The following PATJ variants were observed in gnomAD, a reference collection of about 807,000 sequenced individuals.
PATJ encodes the protein PATJ crumbs cell polarity complex component, also known as inaD-like protein.
A neutral mutation model predicts 224.9 loss-of-function variants in PATJ; 190 were observed. That is an observed-to-expected ratio of 0.84 (90% CI 0.75 to 0.95). The LOEUF is 0.95. Ranked by LOEUF, PATJ falls within the 40% of genes least tolerant of loss-of-function variation. The pLI, the probability that PATJ is intolerant of heterozygous loss-of-function variation, is 0.00. For synonymous variants in PATJ, 769 were observed against 820.3 expected (o/e 0.94, Z 1.07); for missense variants, 2,121 against 2,270.3 (o/e 0.93, Z 1.34).
chr1:62,011,549 T>C (rs1646450848), intron 28 of PATJ, among the ~76,000 whole-genome samples: 1 of 152,108 alleles, frequency 6.6e-6, no homozygotes, highest in African/African-American at 2.4e-5. Flanking sequence ...TATAATAACA[T>C]TGAAGGTCAT....
intron 17 of PATJ, chr1:61,846,010 C>T (rs866483276): frequency 6.6e-6 from 1 of 152,164 alleles, no homozygotes. Flanking sequence ...GTCTAAGTTA[C>T]ATATGCTCAG....
At chr1:62,034,315 C>T (rs959659433) in intron 29 of PATJ, among the ~76,000 whole-genome samples, 1 of 151,956 alleles carries the variant, frequency 6.6e-6, no homozygotes, top group African/African-American at 2.4e-5. Flanking sequence ...TGTTGGCACA[C>T]GCCTGTAGTC....
At chr1:61,751,468 A>G (rs561368993) in intron 1 of PATJ, among the ~76,000 whole-genome samples, 3 of 152,166 alleles carry the variant, frequency 2.0e-5, no homozygotes, top group African/African-American at 7.2e-5. Context: ...TAAGTGTGAA[A>G]ATTGCCCAGA....
At chr1:62,142,619 A>G (rs1451419791) in intron 41 of PATJ, among the ~76,000 whole-genome samples, 1 of 152,236 alleles carries the variant, frequency 6.6e-6, no homozygotes, top group Non-Finnish European at 1.5e-5. Flanking sequence ...AATACAGTCA[A>G]CATGCACATA....
In PATJ at chr1:62,036,871, C is replaced by CAAAAAAAAAAAAAAAAAAA. The variant is rs55761910; in HGVS notation, c.3960-1096_3960-1095insAAAAAAAAAAAAAAAAAAA. ...TTGGTGACAAAGTGAGACTCCATCT[C>CAAAAAAAAAAAAAAAAAAA]AAAAAAAAAAGAAGGAAGAAAGGAA... On this transcript the variant is annotated intron_variant, in intron 29 of 43. Transcript: ENST00000642238. Among the ~76,000 whole-genome samples the CAAAAAAAAAAAAAAAAAAA allele has an allele frequency of 5.5e-3, 372 of 67,268 alleles. 27 individuals carry two copies. The highest frequency in any genetic ancestry group is 0.02 in the African/African-American group (355 of 17,872). 44.1% of individuals were successfully genotyped at this position (67,268 alleles called of 152,430 possible).
At chr1:62,046,880 C>A (rs1652669972) in intron 30 of PATJ, among the ~76,000 whole-genome samples, 1 of 152,096 alleles carries the variant, frequency 6.6e-6, no homozygotes, top group Non-Finnish European at 1.5e-5. Flanking sequence ...TGTTTCTATT[C>A]ACATCTTAAA....
At chr1:61,810,211 C>T (rs1321994102) in intron 14 of PATJ, among the ~76,000 whole-genome samples, 1 of 152,122 alleles carries the variant, frequency 6.6e-6, no homozygotes, top group African/African-American at 2.4e-5. Flanking sequence ...TTACCTGCAT[C>T]TTGAGTCACT....
chr1:62,133,590 A>C (rs575371860), intron 41 of PATJ, among the ~76,000 whole-genome samples: 11 of 152,296 alleles, frequency 7.2e-5, no homozygotes, highest in African/African-American at 2.6e-4. Context: ...AGAAAAAAGA[A>C]TAGAAAAGAA....
intron 1 of PATJ, among the ~76,000 whole-genome samples, chr1:61,746,952 T>G (rs951146900): frequency 6.6e-6 from 1 of 152,230 alleles, no homozygotes; most frequent in African/African-American, 2.4e-5. Flanking sequence ...CTCAGCATTT[T>G]CTAGTTCTTA....
intron 24 of PATJ, among the ~76,000 whole-genome samples, chr1:61,905,750 C>T (rs551010867): frequency 8.5e-5 from 13 of 152,252 alleles, no homozygotes; most frequent in South Asian, 2.1e-4. Context: ...TCTTACCAAC[C>T]TTTTCCCTTT....
Position 61,797,535 on chromosome 1 carries a change from C to T in PATJ, c.1402+107C>T, listed in dbSNP as rs190245510. ...CTCAGCAGGAAATGTTGTCCCACCT[C>T]GTGTAATACACTGATGGAGAAATGA... On this transcript the variant is annotated intron_variant, in intron 11 of 43. Coordinates refer to ENST00000642238, the MANE Select transcript of PATJ (RefSeq NM_001350145.3). The T allele has an allele frequency of 3.8e-4, 343 of 893,112 alleles. 4 individuals are homozygous for T. In the Admixed American group the frequency reaches 6.4e-3, roughly 17 times the overall value. 55.3% of individuals were successfully genotyped at this position (893,112 alleles called of 1,614,324 possible). A position where few individuals can be genotyped will look rare whatever the true frequency, so the allele number is the denominator to read the frequency against.
intron 27 of PATJ, among the ~76,000 whole-genome samples, chr1:61,960,013 G>T (rs878940557): frequency 6.6e-6 from 1 of 151,826 alleles, no homozygotes; most frequent in Non-Finnish European, 1.5e-5. Context: ...ACAGAGCAAG[G>T]CCCCCATTTC....
intron 22 of PATJ, among the ~76,000 whole-genome samples, chr1:61,889,600 A>G (rs1023026456): frequency 6.6e-6 from 1 of 152,216 alleles, no homozygotes; most frequent in Non-Finnish European, 1.5e-5. Flanking sequence ...TGGTAATCAA[A>G]TAGATCAGTA....
intron 29 of PATJ, among the ~76,000 whole-genome samples, chr1:62,021,089 A>G (rs893662244): frequency 1.3e-5 from 2 of 152,030 alleles, no homozygotes; most frequent in Admixed American, 1.3e-4. Context: ...CGGCCTCCCA[A>G]AGTGCTGGGA....
rs905160220 is a variant in PATJ, at chr1:62,151,464, G to A, written c.5379-1894G>A. On this transcript the variant is annotated intron_variant, in intron 42 of 43. Coordinates refer to ENST00000642238, the MANE Select transcript of PATJ (RefSeq NM_001350145.3). ...AAATTAGCCAGGAGTGGTGGCAGGC[G>A]CCTGTAGTCCCAGCTACTCGGGAGG... 4.6e-5 allele frequency among the ~76,000 whole-genome samples: 7 copies of A among 152,062 alleles called. No individual in the cohort carries two copies. The East Asian group carries it at 5.8e-4, about 13-fold the overall frequency.
Position 62,129,010 on chromosome 1 carries a change from C to T in PATJ, c.5271+65C>T, listed in dbSNP as rs1423369623. The T allele has an allele frequency of 1.5e-5, 16 of 1,038,136 alleles. No homozygotes were observed. The South Asian group carries it at 1.6e-4, about 10-fold the overall frequency. The allele number at this position is 1,038,136 out of a possible 1,614,324, so 64.3% of individuals were successfully genotyped here. On this transcript the variant is annotated intron_variant, in intron 41 of 43. Coordinates refer to ENST00000642238, the MANE Select transcript of PATJ (RefSeq NM_001350145.3). ...TAAGTGGCATGCAAAAAAGATTGAG[C>T]GTCACTGGCAGTAGACATCGCCACC...
At chr1:61,953,238 G>A (rs1463237706) in intron 27 of PATJ, among the ~76,000 whole-genome samples, 3 of 152,108 alleles carry the variant, frequency 2.0e-5, no homozygotes, top group Non-Finnish European at 2.9e-5. Flanking sequence ...CATAATAGGG[G>A]TATTCTTGCA....
At chr1:61,992,920 C>A (rs577942618) in intron 28 of PATJ, among the ~76,000 whole-genome samples, 1 of 152,174 alleles carries the variant, frequency 6.6e-6, no homozygotes, top group East Asian at 1.9e-4. Flanking sequence ...TCTTAGACAG[C>A]AGAACATCAA....
At chr1:62,065,472 A>G (rs1344819752) in intron 31 of PATJ, among the ~76,000 whole-genome samples, 1 of 152,108 alleles carries the variant, frequency 6.6e-6, no homozygotes, top group African/African-American at 2.4e-5. Flanking sequence ...TTAGCCCTGC[A>G]TAGTTGGCGC....
Sources: gnomAD v4.1 joint callset for allele counts (sites outside exome capture counted in the v4.1 genomes callset) on GRCh38, gnomAD v4.1.1 for gene constraint, MANE v1.5 for transcripts, NCBI Gene and HGNC (gene_info 2026-07-23, HGNC 2026-07-21) for gene names.